The following CEP164 variants were observed in gnomAD, a reference collection of about 807,000 sequenced individuals.
CEP164 encodes centrosomal protein 164, also known as centrosomal protein of 164 kDa.
CEP164 carries 162 observed loss-of-function variants against 182.7 expected under a neutral mutation model. That is an observed-to-expected ratio of 0.89 (90% confidence interval 0.78 to 1.01). The LOEUF (loss-of-function observed/expected upper bound fraction) is 1.01, where lower values mean the gene tolerates loss of function less well. CEP164 is among the 50% of genes least tolerant of loss of function. The pLI is 0.00. For synonymous variants in CEP164, 661 were observed against 690.0 expected (o/e 0.96, Z 0.66); for missense variants, 1,735 against 1,790.4 (o/e 0.97, Z 0.56).
intron 1 of CEP164, among the ~76,000 whole-genome samples, chr11:117,331,986 A>ATATATATG (rs1402840094): frequency 2.0e-5 from 3 of 147,924 alleles, no homozygotes; most frequent in African/African-American, 7.5e-5. Flanking sequence ...TGGCTAATAT[A>ATATATATG]TATATATATA....
intron 27 of CEP164, among the ~76,000 whole-genome samples, chr11:117,407,564 G>C (rs1202484707): frequency 6.6e-6 from 1 of 151,700 alleles, no homozygotes; most frequent in African/African-American, 2.4e-5. Flanking sequence ...GAGGTGGGAG[G>C]ATTGCCTGAG....
rs772989312 is a variant in CEP164 at position 117,411,806 on chromosome 11, G to A, written c.4175G>A (p.Arg1392Gln). 1.2e-5 allele frequency: 19 copies of A among 1,614,002 alleles called. No homozygotes were observed. Among genetic ancestry groups the A allele is most frequent in the South Asian group, 9.9e-5 (9 of 91,080 alleles). ...LGYMSASEQL[R>Q]LLQHSHSQVP... The stretch of plus-strand genomic sequence containing the variant: ...CTCTTCCTTCCCAGTGAGCAGCTCC[G>A]GCTCCTACAGCACTCCCATTCGCAA... The change falls in exon 32 of 33, where the codon CGG becomes CAG. Residue 1392 changes from arginine (R) to glutamine (Q), a missense_variant. Physicochemically the swap from Arg to Gln is conservative, Grantham distance 43. Coordinates refer to ENST00000278935, the MANE Select transcript of CEP164 (RefSeq NM_014956.5). This position sits in a 1 kb window ranked among gnomAD's most constrained non-coding sequence, Gnocchi z 4.4.
chr11:117,331,304 T>G (rs1166071761), intron 1 of CEP164, among the ~76,000 whole-genome samples: 1 of 152,208 alleles, frequency 6.6e-6, no homozygotes, highest in Non-Finnish European at 1.5e-5. Flanking sequence ...GAAGGCAGAC[T>G]TGAGATACCA....
intron 27 of CEP164, among the ~76,000 whole-genome samples, chr11:117,403,913 C>A (rs1265064437): frequency 6.6e-6 from 1 of 151,846 alleles, no homozygotes; most frequent in Admixed American, 6.6e-5. Context: ...AATCTTCAAT[C>A]TCTGATATCC....
upstream of CEP164, among the ~76,000 whole-genome samples, chr11:117,324,502 T>A (rs886510270): frequency 6.6e-6 from 1 of 152,172 alleles, no homozygotes; most frequent in Non-Finnish European, 1.5e-5. Flanking sequence ...TCTTACTTTT[T>A]AAATTATGTT....
chr11:117,356,777 T>C (rs1396153836), intron 5 of CEP164, among the ~76,000 whole-genome samples: 2 of 152,258 alleles, frequency 1.3e-5, no homozygotes, highest in Non-Finnish European at 2.9e-5. Flanking sequence ...TTTTATGGAA[T>C]GACACATACT....
upstream of CEP164, among the ~76,000 whole-genome samples, chr11:117,322,870 A>G (rs2134522764): frequency 7.0e-6 from 1 of 143,634 alleles, no homozygotes; most frequent in Middle Eastern, 4.2e-3. Context: ...GGTTCAAGCA[A>G]TTCTCCTGCT....
intron 27 of CEP164, among the ~76,000 whole-genome samples, chr11:117,401,394 A>C (rs1031139829): frequency 2.0e-5 from 3 of 152,182 alleles, no homozygotes; most frequent in Non-Finnish European, 4.4e-5. Context: ...TATTTTATTG[A>C]GAATTTTCAC....
chr11:117,356,563 G>T, intron 5 of CEP164: 1 of 1,289,220 alleles, frequency 7.8e-7, no homozygotes, highest in South Asian at 1.2e-5. Context: ...TAGTCCAGCA[G>T]AGCTCCAGCA....
In CEP164 at chr11:117,350,667, G is replaced by C. The variant is rs77261413; in HGVS notation, c.195-1123G>C. On this transcript the variant is annotated intron_variant, in intron 4 of 32. Transcript: ENST00000278935. ...AGATTCAGCTTGTCAGATTTCATAA[G>C]GAGCTTGATTGAAATTGTATTGGAT... is the stretch of plus-strand genomic sequence containing the variant. Among the ~76,000 whole-genome samples the C allele has an allele frequency of 2.4e-3, 364 of 152,114 alleles. 14 individuals are homozygous for C. The South Asian group carries it at 0.049, about 20-fold the overall frequency.
At chr11:117,359,419 T>C (rs929501582) in intron 5 of CEP164, 11 of 985,330 alleles carry the variant, frequency 1.1e-5, no homozygotes, top group Non-Finnish European at 1.3e-5. Context: ...TTCACAAACA[T>C]GTTCTACAAC....
At position 117,371,440 on chromosome 11, in the gene CEP164, G is replaced by A; in HGVS notation, c.1126G>A (p.Glu376Lys). The A allele has an allele frequency of 1.2e-6, 2 of 1,612,900 alleles. No homozygotes were observed. Among genetic ancestry groups the A allele is most frequent in the Non-Finnish European group, 1.7e-6 (2 of 1,179,570 alleles). Residue 376 changes from glutamate (E) to lysine (K), a missense_variant, in exon 9 of 33, where the codon GAA becomes AAA. By Grantham distance (56) the Glu-to-Lys change is moderately conservative (BLOSUM62 1). Coordinates refer to ENST00000278935, the MANE Select transcript of CEP164 (RefSeq NM_014956.5). Reference sequence around the variant, plus strand: ...GCCAAAGAAGAAGGCTTCTGCTCTGGAAGAGGGCAGTTCAGACGCCAGCCA... The same window carrying A: ...GCCAAAGAAGAAGGCTTCTGCTCTGAAAGAGGGCAGTTCAGACGCCAGCCA... Reference protein sequence around the residue: ...KEPKKKASALEEGSSDASQEL... With the variant: ...KEPKKKASALKEGSSDASQEL...
chr11:117,370,382 A>G (rs2042084392), intron 8 of CEP164, among the ~76,000 whole-genome samples: 2 of 152,236 alleles, frequency 1.3e-5, no homozygotes, highest in Non-Finnish European at 2.9e-5. Context: ...ATGATGTTCC[A>G]TCATCATCTT....
In CEP164 at chr11:117,373,758, AAAT is replaced by A. The variant is rs1347609515; in HGVS notation, c.1161_1163del (p.Glu387_Ile388delinsAsp). On this transcript the variant is annotated inframe_deletion, in exon 10 of 33. Coordinates refer to ENST00000278935, the MANE Select transcript of CEP164 (RefSeq NM_014956.5). ...GTGGGTCTGTCTCTCCAGGAACTGG[AAAT>A]TAGTGAACACATGAAGGAACCACAG... 3.1e-6 allele frequency: 5 copies of A among 1,613,894 alleles called. No homozygotes were observed. The highest frequency in any genetic ancestry group is 3.4e-6 in the Non-Finnish European group (4 of 1,179,918).
Position 117,409,786 on chromosome 11 carries a change from C to T in CEP164, c.3917C>T (p.Pro1306Leu). ...CCAGCCCAGCTCCCTCCCCGGGACC[C>T]TAAGAGCACCCCCACCCCCACCTAC... ...SMPAQLPPRD[P>L]KSTPTPTYYG... is the part of the protein sequence containing the mutation. Residue 1306 changes from proline to leucine, a missense_variant, in exon 30 of 33, where the codon CCT becomes CTT. By Grantham distance (98) the Pro-to-Leu change is moderately conservative. Transcript: ENST00000278935. This position sits in a 1 kb window ranked among gnomAD's most constrained non-coding sequence, Gnocchi z 4.4. The T allele has an allele frequency of 6.2e-7, 1 of 1,613,862 alleles. No homozygotes were observed. Among genetic ancestry groups the T allele is most frequent in the Non-Finnish European group, 8.5e-7 (1 of 1,179,900 alleles).
intron 14 of CEP164, chr11:117,386,873 A>C (rs1224203317): frequency 3.3e-6 from 1 of 306,170 alleles, no homozygotes; most frequent in Non-Finnish European, 6.1e-6. Context: ...CATTAGGGAC[A>C]GAGCTTCACT....
At chr11:117,363,363 C>T in intron 7 of CEP164, 66 bp from the exon 8 acceptor site, 1 of 1,213,222 alleles carries the variant, frequency 8.2e-7, no homozygotes, top group Non-Finnish European at 1.2e-6. Context: ...TTTCCCTCTG[C>T]ACACCCCTCA....
chr11:117,341,157 A>G (rs1006985695), intron 3 of CEP164, among the ~76,000 whole-genome samples: 8 of 152,184 alleles, frequency 5.3e-5, no homozygotes, highest in Admixed American at 2.0e-4. Flanking sequence ...ATTTGTATAC[A>G]TTTGGTTGCT....
At chr11:117,351,545 A>T (rs2039621871) in intron 4 of CEP164, among the ~76,000 whole-genome samples, 1 of 152,096 alleles carries the variant, frequency 6.6e-6, no homozygotes, top group Admixed American at 6.5e-5. Flanking sequence ...GAGATTAGGT[A>T]TCCCAATCCT....
Sources: gnomAD v4.1 joint callset for allele counts (sites outside exome capture counted in the v4.1 genomes callset) on GRCh38, gnomAD v4.1.1 for gene constraint, Gnocchi (gnomAD v3.1) non-coding constraint, MANE v1.5 for transcripts, NCBI Gene and HGNC (gene_info 2026-07-23, HGNC 2026-07-21) for gene names.